ANXA8: variants seen among roughly 807,000 people sequenced by gnomAD.
ANXA8 encodes annexin A8.
Under a neutral mutation model 26.8 loss-of-function variants are expected in ANXA8, and 9 were observed. The ratio of observed to expected loss-of-function variants is 0.34; its 90% CI spans 0.20 to 0.59. The LOEUF is 0.59. Ranked by LOEUF, ANXA8 falls within the 20% of genes least tolerant of loss-of-function variation. The pLI is 0.84. For synonymous variants in ANXA8, 39 were observed against 94.8 expected, an observed-to-expected ratio of 0.41 and a Z score of 3.42; for missense variants, 83 against 238.5, an observed-to-expected ratio of 0.35 and a Z score of 4.29.
the ANXA8 span, among the ~76,000 whole-genome samples, chr10:47,755,330 A>T: frequency 6.6e-6 from 1 of 151,648 alleles, no homozygotes; most frequent in Non-Finnish European, 1.5e-5. Flanking sequence ...ATCTCGGCTC[A>T]CTGCAAGCTC....
At chr10:47,973,745 G>A in the ANXA8 span, among the ~76,000 whole-genome samples, 1 of 150,984 alleles carries the variant, frequency 6.6e-6, no homozygotes, top group Non-Finnish European at 1.5e-5. Context: ...TTGTTTATTG[G>A]TAACGAATGT....
chr10:47,702,424 T>A, the ANXA8 span, among the ~76,000 whole-genome samples: 1 of 150,776 alleles, frequency 6.6e-6, no homozygotes, highest in East Asian at 2.0e-4. Context: ...CACTGCAACC[T>A]CTGCCTCCTG....
the ANXA8 span, among the ~76,000 whole-genome samples, chr10:47,959,080 G>A: frequency 6.7e-6 from 1 of 148,636 alleles, no homozygotes; most frequent in Non-Finnish European, 1.5e-5. Flanking sequence ...GGAAGCAGTT[G>A]GCCTTCTGGA....
chr10:47,968,584 C>T, the ANXA8 span, among the ~76,000 whole-genome samples: 2 of 136,010 alleles, frequency 1.5e-5, no homozygotes, highest in Non-Finnish European at 3.3e-5. Context: ...ACCACCTCCA[C>T]GACCACCACC....
the ANXA8 span, among the ~76,000 whole-genome samples, chr10:47,514,208 C>A: frequency 6.8e-6 from 1 of 147,398 alleles, no homozygotes; most frequent in Non-Finnish European, 1.5e-5. Flanking sequence ...CCCAAATGCC[C>A]ATCAGTCAAT....
At chr10:47,741,839 ATTT>A in the ANXA8 span, among the ~76,000 whole-genome samples, 600 of 123,134 alleles carry the variant, frequency 4.9e-3, 6 homozygotes, top group African/African-American at 0.013. Flanking sequence ...ATAAACAGGG[ATTT>A]TTTTTTTTTT....
At chr10:47,772,183 C>T in the ANXA8 span, among the ~76,000 whole-genome samples, 1 of 151,594 alleles carries the variant, frequency 6.6e-6, no homozygotes, top group Non-Finnish European at 1.5e-5. Flanking sequence ...AATGGTGTTA[C>T]TTAGCAAGAC....
the ANXA8 span, among the ~76,000 whole-genome samples, chr10:47,537,441 C>T: frequency 6.6e-6 from 1 of 151,494 alleles, no homozygotes; most frequent in Non-Finnish European, 1.5e-5. Context: ...TGAGGCATCC[C>T]TAAATGATTC....
chr10:47,767,473 G>T, the ANXA8 span, among the ~76,000 whole-genome samples: 1 of 152,254 alleles, frequency 6.6e-6, no homozygotes, highest in Admixed American at 6.5e-5. Flanking sequence ...TCTGCTTCCT[G>T]CCCTGCTGCT....
chr10:47,653,986 A>C, the ANXA8 span, among the ~76,000 whole-genome samples: 1 of 151,000 alleles, frequency 6.6e-6, no homozygotes, highest in Non-Finnish European at 1.5e-5. Context: ...AGGAACACCT[A>C]GGGATAGAGT....
chr10:47,970,861 C>T, the ANXA8 span, among the ~76,000 whole-genome samples: 2 of 151,222 alleles, frequency 1.3e-5, 1 homozygote, highest in Non-Finnish European at 3.0e-5. Context: ...GAGGGAGGTG[C>T]CAGCTAAGGT....
At chr10:47,698,307 T>C in the ANXA8 span, among the ~76,000 whole-genome samples, 1 of 138,842 alleles carries the variant, frequency 7.2e-6, no homozygotes, top group Middle Eastern at 3.5e-3. Flanking sequence ...ATTTTAGAGT[T>C]ATTAGCATAC....
chr10:47,676,775 G>A, the ANXA8 span, among the ~76,000 whole-genome samples: 6 of 149,426 alleles, frequency 4.0e-5, no homozygotes, highest in South Asian at 2.1e-4. Flanking sequence ...AAAATTAGCC[G>A]GGTGTGGTGG....
At chr10:47,480,456 A>G (rs1202973432) in intron 1 of ANXA8, among the ~76,000 whole-genome samples, 1 of 89,170 alleles carries the variant, frequency 1.1e-5, no homozygotes, top group Non-Finnish European at 2.0e-5. Flanking sequence ...CGTCAGGTTT[A>G]GAAAAACCCG....
At chr10:47,626,924 G>T in the ANXA8 span, among the ~76,000 whole-genome samples, 162 of 149,670 alleles carry the variant, frequency 1.1e-3, 2 homozygotes, top group East Asian at 2.1e-3. Context: ...AATTGGAAGG[G>T]GGTATGTTTT....
At chr10:47,567,523 T>C in the ANXA8 span, among the ~76,000 whole-genome samples, 12 of 150,282 alleles carry the variant, frequency 8.0e-5, no homozygotes, top group African/African-American at 2.5e-4. Context: ...GCCAGCCGCC[T>C]TCTCTGCTGT....
the ANXA8 span, chr10:47,986,807 A>C: frequency 2.4e-6 from 1 of 420,418 alleles, no homozygotes; most frequent in Non-Finnish European, 4.8e-6. Flanking sequence ...GGCGGCTACG[A>C]GGGGGCGCTG....
At chr10:47,957,383 C>T in the ANXA8 span, among the ~76,000 whole-genome samples, 4 of 150,412 alleles carry the variant, frequency 2.7e-5, no homozygotes, top group African/African-American at 9.9e-5. Flanking sequence ...TCTTTCATTC[C>T]TGTCAATCTC....
chr10:47,675,399 G>T, the ANXA8 span, among the ~76,000 whole-genome samples: 1 of 151,456 alleles, frequency 6.6e-6, no homozygotes, highest in Non-Finnish European at 1.5e-5. Flanking sequence ...TACATGTAAG[G>T]TACTCCCACA....
Sources: gnomAD v4.1 joint callset for allele counts (sites outside exome capture counted in the v4.1 genomes callset) on GRCh38, gnomAD v4.1.1 for gene constraint, MANE v1.5 for transcripts, NCBI Gene and HGNC (gene_info 2026-07-23, HGNC 2026-07-21) for gene names.